THSD7A: variants seen among roughly 807,000 people sequenced by gnomAD.
THSD7A encodes the protein thrombospondin type 1 domain containing 7A.
THSD7A carries 96 observed loss-of-function variants against 231.3 expected under a neutral mutation model. The ratio of observed to expected loss-of-function variants is 0.41; its 90% CI spans 0.35 to 0.49. THSD7A has a LOEUF of 0.49. Among genes scored for constraint, THSD7A ranks in the 20% least tolerant of loss-of-function variants. The pLI is 0.05. For missense variants in THSD7A, 2,290 were observed against 2,070.2 expected, an observed-to-expected ratio of 1.11 and a Z score of -2.06; for synonymous variants, 940 against 743.3, an observed-to-expected ratio of 1.26 and a Z score of -4.30.
Position 11,541,441 on chromosome 7 carries a change from C to T in THSD7A, c.1800G>A (p.Glu600=), listed in dbSNP as rs1291230156. 2 of 1,613,930 alleles carry T rather than the reference C, an allele frequency of 1.2e-6. No individual in the cohort carries two copies. Among genetic ancestry groups the T allele is most frequent in the Admixed American group, 3.3e-5 (2 of 60,004 alleles). The part of the protein sequence containing the change: ...KECGPGTQVQ[E]VVCINSDGEE... Reference sequence around the variant, plus strand: ...TACCATCACTGTTGATGCACACAACCTCTTGAACTTGCGTGCCTGGACCAC... The same window carrying T: ...TACCATCACTGTTGATGCACACAACTTCTTGAACTTGCGTGCCTGGACCAC... The change falls in exon 6 of 28, where the codon GAG becomes GAA. Residue 600 remains glutamate (E), a synonymous_variant. Coordinates refer to ENST00000423059, the MANE Select transcript of THSD7A (RefSeq NM_015204.3).
At position 11,541,476 on chromosome 7, in the gene THSD7A, C is replaced by T. The variant is rs200890560; in HGVS notation, c.1765G>A (p.Gly589Arg). 147 of 1,613,840 alleles carry T rather than the reference C, an allele frequency of 9.1e-5. No individual in the cohort carries two copies. The highest frequency in any genetic ancestry group is 1.6e-4 in the Middle Eastern group (1 of 6,084). Reference protein sequence around the residue: ...VRLGNCEPDNGKECGPGTQVQ... With the variant: ...VRLGNCEPDNRKECGPGTQVQ... Reference sequence around the variant, plus strand: ...TGCGTGCCTGGACCACACTCCTTTCCGTTATCTGGCTCGCAGTTTCCCAGT... The same window carrying T: ...TGCGTGCCTGGACCACACTCCTTTCTGTTATCTGGCTCGCAGTTTCCCAGT... The change falls in exon 6 of 28, where the codon GGA (glycine) becomes AGA (arginine). Residue 589 changes from glycine to arginine, a missense_variant. Transcript: ENST00000423059.
Position 11,494,240 on chromosome 7 carries a change from T to C in THSD7A, c.1823-12258A>G, listed in dbSNP as rs562759121. On this transcript the variant is annotated intron_variant, in intron 6 of 27. Transcript: ENST00000423059. ...CAACTGGTCATGGCCTCTCTTCTGA[T>C]TGGTCAGTGCCTGTGCCTTTGTCAC... Among the ~76,000 whole-genome samples the C allele has an allele frequency of 4.6e-5, 7 of 152,160 alleles. No individual in the cohort carries two copies. The East Asian group carries it at 1.2e-3, about 25-fold the overall frequency.
intron 4 of THSD7A, among the ~76,000 whole-genome samples, chr7:11,572,228 T>G (rs1254070749): frequency 6.6e-6 from 1 of 152,126 alleles, no homozygotes; most frequent in Non-Finnish European, 1.5e-5. Context: ...TTACTTTGTT[T>G]TCCCTCCAAT....
intron 6 of THSD7A, among the ~76,000 whole-genome samples, chr7:11,536,936 T>A (rs1261944185): frequency 6.6e-6 from 1 of 152,156 alleles, no homozygotes; most frequent in African/African-American, 2.4e-5. Flanking sequence ...TGAAAAAAAA[T>A]TCAGTATTCA....
At chr7:11,700,378 AGTT>A (rs1780548400) in intron 1 of THSD7A, among the ~76,000 whole-genome samples, 1 of 151,246 alleles carries the variant, frequency 6.6e-6, no homozygotes, top group South Asian at 2.1e-4. Flanking sequence ...ACTTTTGAAA[AGTT>A]GTTGACATTT....
chr7:11,579,010 T>C (rs1475818061), intron 4 of THSD7A, among the ~76,000 whole-genome samples: 2 of 137,800 alleles, frequency 1.5e-5, no homozygotes, highest in Non-Finnish European at 3.2e-5. Context: ...TGCATTTTTT[T>C]CTTAAATTAA....
chr7:11,476,839 AGTG>A (rs1786209839), intron 7 of THSD7A, among the ~76,000 whole-genome samples: 1 of 131,216 alleles, frequency 7.6e-6, no homozygotes, highest in African/African-American at 2.5e-5. Flanking sequence ...AAAAAAAGAT[AGTG>A]TAGAAAGCGA....
chr7:11,735,322 C>G (rs1392448263), intron 1 of THSD7A, among the ~76,000 whole-genome samples: 1 of 151,722 alleles, frequency 6.6e-6, no homozygotes. Context: ...TTGAGCATCC[C>G]TAATACAAAA....
At chr7:11,564,378 GCTGGT>G (rs1002878165) in intron 4 of THSD7A, among the ~76,000 whole-genome samples, 4 of 152,208 alleles carry the variant, frequency 2.6e-5, no homozygotes, top group Admixed American at 1.3e-4. Flanking sequence ...CCACCTTGCA[GCTGGT>G]CTGCTGCCTG....
chr7:11,705,850 T>C (rs1428236218), intron 1 of THSD7A, among the ~76,000 whole-genome samples: 1 of 150,990 alleles, frequency 6.6e-6, no homozygotes, highest in Non-Finnish European at 1.5e-5. Context: ...TTGATGTTAT[T>C]CAGTGTCTCA....
In THSD7A at chr7:11,374,221, T is replaced by C. The variant is rs1358550432; in HGVS notation, c.*1573A>G. ...TAGGAAAACAGTTATGTTCATTCTT[T>C]TATTTACTAAGATTGCATTAGCAGA... On this transcript the variant is annotated 3_prime_UTR_variant, in exon 28 of 28. Transcript: ENST00000423059. 6.6e-6 allele frequency: 1 copy of C among 152,134 alleles called. No individual in the cohort carries two copies. The highest frequency in any genetic ancestry group is 1.5e-5 in the Non-Finnish European group (1 of 67,998). The allele number at this position is 152,134 out of a possible 1,614,324, so 9.4% of individuals were successfully genotyped here.
At chr7:11,530,452 A>T (rs1187333277) in intron 6 of THSD7A, among the ~76,000 whole-genome samples, 1 of 152,216 alleles carries the variant, frequency 6.6e-6, no homozygotes, top group Non-Finnish European at 1.5e-5. Flanking sequence ...ATTTATTGAC[A>T]ATCTGTTAAG....
Position 11,395,769 on chromosome 7 carries a change from G to A in THSD7A, c.4411+6026C>T, listed in dbSNP as rs548023381. Among the ~76,000 whole-genome samples the A allele has an allele frequency of 2.9e-4, 44 of 151,988 alleles. No individual in the cohort carries two copies. The South Asian group carries it at 4.4e-3, about 15-fold the overall frequency. On this transcript the variant is annotated intron_variant, in intron 23 of 27. Transcript: ENST00000423059. ...TCTCAAACTACCGACCTTGTAATCC[G>A]CCCGCCTCGGCCTCCCAAAGTGCTG...
In THSD7A at chr7:11,636,460, C is replaced by T. The variant is rs767284262; in HGVS notation, c.692G>A (p.Gly231Asp). 3 of 1,613,636 alleles carry T rather than the reference C, an allele frequency of 1.9e-6. No individual in the cohort carries two copies. The highest frequency in any genetic ancestry group is 8.5e-7 in the Non-Finnish European group (1 of 1,179,788). ...CTGGAACTCCGTCAGGTTTGGACAGCCAGAGCCTCCGAACTGCGGGGGCGC... is the reference window on the plus strand; with the variant it reads ...CTGGAACTCCGTCAGGTTTGGACAGTCAGAGCCTCCGAACTGCGGGGGCGC... ...VVAPPQFGGSGCPNLTEFQVC... is the reference protein window; with the variant it reads ...VVAPPQFGGSDCPNLTEFQVC... Residue 231 changes from glycine (G) to aspartate (D), a missense_variant, in exon 2 of 28, where the codon GGC becomes GAC. Transcript: ENST00000423059. This position sits in a 1 kb window ranked among gnomAD's most constrained non-coding sequence, Gnocchi z 10.0.
chr7:11,421,424 A>G (rs1220741626), intron 16 of THSD7A, among the ~76,000 whole-genome samples: 1 of 150,294 alleles, frequency 6.7e-6, no homozygotes, highest in Non-Finnish European at 1.5e-5. Context: ...AGTTTCCTGA[A>G]GGCTCCCGAG....
chr7:11,825,307 CAG>C (rs1784993878), intron 1 of THSD7A, among the ~76,000 whole-genome samples: 1 of 152,046 alleles, frequency 6.6e-6, no homozygotes, highest in Non-Finnish European at 1.5e-5. Flanking sequence ...AGGTGAAAAA[CAG>C]AGCCAGAGAA....
Position 11,379,054 on chromosome 7 carries a change from A to C in THSD7A, c.4801+16T>G. On this transcript the variant is annotated intron_variant, in intron 26 of 27. Transcript: ENST00000423059. The stretch of plus-strand genomic sequence containing the variant: ...AACTAAAGGTTTCTCTTTCAACACT[A>C]GTCTAGTCAGTTCACCTGGCCCAAA... 1 of 1,611,862 alleles carries C rather than the reference A, an allele frequency of 6.2e-7. No individual in the cohort carries two copies. The highest frequency in any genetic ancestry group is 8.5e-7 in the Non-Finnish European group (1 of 1,179,034).
chr7:11,770,344 A>G (rs1015773760), intron 1 of THSD7A, among the ~76,000 whole-genome samples: 1 of 152,180 alleles, frequency 6.6e-6, no homozygotes, highest in African/African-American at 2.4e-5. Context: ...TTTAATTGCA[A>G]TTGCCATAAT....
intron 4 of THSD7A, among the ~76,000 whole-genome samples, chr7:11,587,416 G>T (rs1021915342): frequency 2.6e-5 from 4 of 152,090 alleles, no homozygotes; most frequent in African/African-American, 9.7e-5. Context: ...ATATTGTGGG[G>T]GAATAGTTGT....
Sources: allele counts gnomAD v4.1 joint callset (sites outside exome capture counted in the v4.1 genomes callset), GRCh38; gene constraint gnomAD v4.1.1; non-coding constraint Gnocchi (gnomAD v3.1); transcripts MANE v1.5; gene names NCBI Gene and HGNC (gene_info 2026-07-23, HGNC 2026-07-21).